Variants in SYT14 observed in about 807,000 individuals in gnomAD.
SYT14 encodes the protein synaptotagmin 14.
A neutral mutation model predicts 74.2 loss-of-function variants in SYT14; 32 were observed. The ratio of observed to expected loss-of-function variants is 0.43; its 90% confidence interval spans 0.33 to 0.58. The LOEUF (loss-of-function observed/expected upper bound fraction) is 0.58, where lower values mean the gene tolerates loss of function less well. SYT14 is among the 20% of genes least tolerant of loss of function. The probability of loss-of-function intolerance (pLI) is 0.05; values close to 1 mark genes in which losing one functional copy is unlikely to be tolerated. For synonymous variants in SYT14, 298 were observed against 337.7 expected (o/e 0.88, Z 1.29); for missense variants, 791 against 981.8 (o/e 0.81, Z 2.60).
At chr1:210,170,320 G>T (rs991170439) in exon 10 of SYT14, 1 of 151,966 alleles carries the variant, frequency 6.6e-6, no homozygotes, top group African/African-American at 2.4e-5. Flanking sequence ...TTTATAGAGT[G>T]AGCATATATG....
intron 2 of SYT14, among the ~76,000 whole-genome samples, chr1:209,969,061 T>C (rs1215449901): frequency 6.6e-6 from 1 of 152,198 alleles, no homozygotes; most frequent in Non-Finnish European, 1.5e-5. Context: ...TCCATGTTGC[T>C]GTAGAGGACG....
rs111399661 is a variant in SYT14 at position 210,054,229 on chromosome 1, A to G, written c.1312+32975A>G. Among the ~76,000 whole-genome samples the G allele has an allele frequency of 5.6e-3, 854 of 152,220 alleles. 6 individuals are homozygous for G. Among genetic ancestry groups the G allele is most frequent in the African/African-American group, 0.02 (818 of 41,548 alleles). ...CTTTCAGTTTGAATATTCATCTCTT[A>G]AGATGTAAAAAAAAATTGAATCATT... On this transcript the variant is annotated intron_variant, in intron 5 of 9. Transcript: ENST00000637265.
At chr1:210,114,925 G>A (rs553442826) in intron 7 of SYT14, among the ~76,000 whole-genome samples, 1 of 151,066 alleles carries the variant, frequency 6.6e-6, no homozygotes, top group Non-Finnish European at 1.5e-5. Context: ...AAGGAAGATT[G>A]GAAAGACTTA....
intron 5 of SYT14, among the ~76,000 whole-genome samples, chr1:210,057,858 A>G (rs1363617787): frequency 6.6e-6 from 1 of 152,296 alleles, no homozygotes; most frequent in African/African-American, 2.4e-5. Flanking sequence ...TACTCCTTCC[A>G]TATGCAGATT....
chr1:210,083,715 A>G (rs1482377927), intron 5 of SYT14, among the ~76,000 whole-genome samples: 5 of 151,932 alleles, frequency 3.3e-5, no homozygotes, highest in African/African-American at 1.2e-4. Context: ...GACCATAGAC[A>G]CACGTCACCA....
At chr1:209,941,163 C>G (rs1157435861) in intron 1 of SYT14, among the ~76,000 whole-genome samples, 3 of 152,062 alleles carry the variant, frequency 2.0e-5, no homozygotes, top group Admixed American at 6.5e-5. Context: ...CTGTGTAAAC[C>G]TATTTTATAA....
chr1:209,996,673 A>C (rs2079804301), intron 2 of SYT14, among the ~76,000 whole-genome samples: 1 of 152,150 alleles, frequency 6.6e-6, no homozygotes, highest in African/African-American at 2.4e-5. Context: ...ACTTCAGGCC[A>C]GTATCCTGAA....
At chr1:209,952,718 GA>G (rs771318895) in exon 2 of SYT14, 3 of 1,610,742 alleles carry the variant, frequency 1.9e-6, no homozygotes, top group Non-Finnish European at 2.5e-6. Flanking sequence ...GGTGGAGAGA[GA>G]ACCTGTGGAG....
chr1:209,947,906 C>T (rs1392532028), intron 1 of SYT14, among the ~76,000 whole-genome samples: 1 of 152,196 alleles, frequency 6.6e-6, no homozygotes, highest in Non-Finnish European at 1.5e-5. Context: ...CAATCATTAA[C>T]ATCAAGGCGA....
intron 5 of SYT14, among the ~76,000 whole-genome samples, chr1:210,073,382 T>A (rs964591248): frequency 2.6e-5 from 4 of 152,044 alleles, no homozygotes; most frequent in Non-Finnish European, 5.9e-5. Flanking sequence ...TGCTTCATAA[T>A]CCTAAATTGC....
chr1:209,940,380 G>T (rs60991465), intron 1 of SYT14, among the ~76,000 whole-genome samples: 17,993 of 130,444 alleles, frequency 0.14, 3,270 homozygotes, highest in African/African-American at 0.43. Flanking sequence ...TTTTTTTTTT[G>T]TACAATAGCT....
rs75242142 is a variant in SYT14, at chr1:209,983,930, T to G, written c.-485-29703T>G. Reference sequence around the variant, plus strand: ...ACCTCCCCAGACTATTTTTGAAAAGTCTTTATTCCTTCTTGTATATAGTCA... The same window carrying G: ...ACCTCCCCAGACTATTTTTGAAAAGGCTTTATTCCTTCTTGTATATAGTCA... On this transcript the variant is annotated intron_variant, in intron 2 of 9. Coordinates refer to ENST00000637265, the Ensembl canonical transcript of SYT14. Among the ~76,000 whole-genome samples the G allele has an allele frequency of 5.5e-3, 841 of 152,292 alleles. 10 individuals carry two copies. The highest frequency in any genetic ancestry group is 0.02 in the African/African-American group (818 of 41,570).
intron 7 of SYT14, among the ~76,000 whole-genome samples, chr1:210,152,054 T>C (rs1273021756): frequency 6.6e-6 from 1 of 152,198 alleles, no homozygotes; most frequent in Non-Finnish European, 1.5e-5. Context: ...ATGTAACAAA[T>C]GCACCAAATG....
chr1:210,069,690 A>G (rs949863814), intron 5 of SYT14, among the ~76,000 whole-genome samples: 2 of 152,034 alleles, frequency 1.3e-5, no homozygotes, highest in African/African-American at 4.8e-5. Flanking sequence ...TGTATATTGT[A>G]AACATTTACT....
chr1:210,160,294 T>C (rs1265654446), intron 9 of SYT14, among the ~76,000 whole-genome samples: 3 of 152,146 alleles, frequency 2.0e-5, no homozygotes, highest in Non-Finnish European at 2.9e-5. Flanking sequence ...TTTATTCTTA[T>C]TCTCTGAAAA....
At chr1:210,141,113 G>A (rs1340518045) in intron 7 of SYT14, among the ~76,000 whole-genome samples, 2 of 149,456 alleles carry the variant, frequency 1.3e-5, no homozygotes, top group East Asian at 1.9e-4. Context: ...TGTTTGATCC[G>A]TACTTTGGGC....
At chr1:210,044,699 C>T (rs984467407) in intron 5 of SYT14, among the ~76,000 whole-genome samples, 2 of 152,128 alleles carry the variant, frequency 1.3e-5, no homozygotes, top group Non-Finnish European at 2.9e-5. Context: ...AGGCTCTTCT[C>T]ATATTACTAT....
intron 7 of SYT14, among the ~76,000 whole-genome samples, chr1:210,109,214 A>G (rs2082214293): frequency 6.6e-6 from 1 of 152,164 alleles, no homozygotes; most frequent in Non-Finnish European, 1.5e-5. Flanking sequence ...CATCATTACT[A>G]GGCATTAGAG....
At chr1:210,159,571 GT>G (rs1558230313) in intron 9 of SYT14, 94 bp downstream of exon 8, 2 of 1,111,618 alleles carry the variant, frequency 1.8e-6, no homozygotes, top group Admixed American at 4.0e-5. Flanking sequence ...CACCATGTTG[GT>G]TTCCAAAACA....
Sources: allele counts gnomAD v4.1 joint callset (sites outside exome capture counted in the v4.1 genomes callset), GRCh38; gene constraint gnomAD v4.1.1; transcripts MANE v1.5; gene names NCBI Gene and HGNC (gene_info 2026-07-23, HGNC 2026-07-21).